Variants in RFTN1 observed in about 807,000 individuals in gnomAD.
The protein encoded by RFTN1 is raftlin.
RFTN1 carries 26 observed loss-of-function variants against 46.5 expected under a neutral mutation model. The ratio of observed to expected loss-of-function variants is 0.56; its 90% confidence interval spans 0.41 to 0.78. The LOEUF (loss-of-function observed/expected upper bound fraction) is 0.78, where lower values mean the gene tolerates loss of function less well. Among genes scored for constraint, RFTN1 ranks in the 30% least tolerant of loss-of-function variants. RFTN1 has a pLI of 0.00. For missense variants in RFTN1, 693 were observed against 718.7 expected, an observed-to-expected ratio of 0.96 and a Z score of 0.41; for synonymous variants, 261 against 284.2, an observed-to-expected ratio of 0.92 and a Z score of 0.82.
chr3:16,425,305 T>C lies in RFTN1; in HGVS notation c.332+8546A>G, dbSNP rs910069479. Among the ~76,000 whole-genome samples, 1 of 152,194 alleles carries C rather than the reference T, an allele frequency of 6.6e-6. No individual in the cohort carries two copies. Among genetic ancestry groups the C allele is most frequent in the Non-Finnish European group, 1.5e-5 (1 of 68,038 alleles). On this transcript the variant is annotated intron_variant, in intron 3 of 9. Coordinates refer to ENST00000334133, the MANE Select transcript of RFTN1 (RefSeq NM_015150.2). This position sits in a 1 kb window ranked among gnomAD's most constrained non-coding sequence, Gnocchi z 4.3. ...TTTAAAAACAAATACAGACATTTCA[T>C]GGTACTGAAGTATTCACCCAAGTTT...
chr3:16,510,687 G>A (rs150068581), intron 1 of RFTN1, among the ~76,000 whole-genome samples: 2 of 152,264 alleles, frequency 1.3e-5, no homozygotes, highest in East Asian at 3.9e-4. Context: ...ACTGTAAAAT[G>A]GTATAACCAT....
rs1227865623 is a variant in RFTN1 at position 16,422,359 on chromosome 3, G to A, written c.332+11492C>T. Among the ~76,000 whole-genome samples, 1 of 152,088 alleles carries A rather than the reference G, an allele frequency of 6.6e-6. No individual in the cohort carries two copies. The highest frequency in any genetic ancestry group is 1.5e-5 in the Non-Finnish European group (1 of 68,020). On this transcript the variant is annotated intron_variant, in intron 3 of 9. Coordinates refer to ENST00000334133, the MANE Select transcript of RFTN1 (RefSeq NM_015150.2). This position sits in a 1 kb window ranked among gnomAD's most constrained non-coding sequence, Gnocchi z 4.6. ...AAAGAATAGTGCCCTGGCCGGGTGTGGTGGCTCACGCCTGTAATCCCAGCA... is the reference window on the plus strand; with the variant it reads ...AAAGAATAGTGCCCTGGCCGGGTGTAGTGGCTCACGCCTGTAATCCCAGCA...
chr3:16,343,800 A>C (rs1410960666), intron 7 of RFTN1, among the ~76,000 whole-genome samples: 1 of 152,242 alleles, frequency 6.6e-6, no homozygotes, highest in Non-Finnish European at 1.5e-5. Context: ...TGACTCAAGG[A>C]GTTTGCATAG....
chr3:16,389,207 C>A (rs990445952), intron 4 of RFTN1, among the ~76,000 whole-genome samples: 2 of 152,122 alleles, frequency 1.3e-5, no homozygotes, highest in Non-Finnish European at 2.9e-5. Context: ...AGTTTTAACC[C>A]TTGGTTAAAA....
intron 6 of RFTN1, among the ~76,000 whole-genome samples, chr3:16,368,930 T>C (rs1406283190): frequency 6.6e-6 from 1 of 152,256 alleles, no homozygotes; most frequent in African/African-American, 2.4e-5. Context: ...TGGACAGCCC[T>C]GCTCTGGATG....
chr3:16,330,333 C>T (rs1055816834), intron 7 of RFTN1, among the ~76,000 whole-genome samples: 3 of 152,188 alleles, frequency 2.0e-5, no homozygotes, highest in Non-Finnish European at 2.9e-5. Flanking sequence ...TCTATCACAG[C>T]CCGTTTGCAT....
At position 16,462,838 on chromosome 3, in the gene RFTN1, T is replaced by C. The variant is rs558919400; in HGVS notation, c.146-28801A>G. Among the ~76,000 whole-genome samples, 40 of 152,328 alleles carry C rather than the reference T, an allele frequency of 2.6e-4. No homozygotes were observed. The South Asian group carries it at 8.3e-3, about 32-fold the overall frequency. Reference sequence around the variant, plus strand: ...TGACCTTTAAACTACAACTTGCAGATGTTAACAGTGACAATGATAAAGCCA... The same window carrying C: ...TGACCTTTAAACTACAACTTGCAGACGTTAACAGTGACAATGATAAAGCCA... On this transcript the variant is annotated intron_variant, in intron 2 of 9. Transcript: ENST00000334133.
Position 16,451,729 on chromosome 3 carries a change from G to A in RFTN1, c.146-17692C>T, listed in dbSNP as rs751391556. ...GAGGTGTGACAGCAAAACTACTAGC[G>A]TGATTTTTTTTTCCTTCCTCACAAT... On this transcript the variant is annotated intron_variant, in intron 2 of 9. Coordinates refer to ENST00000334133, the MANE Select transcript of RFTN1 (RefSeq NM_015150.2). The surrounding 1 kb of genome is among the most constrained non-coding windows in gnomAD (Gnocchi z 4.2). Among the ~76,000 whole-genome samples the A allele has an allele frequency of 9.2e-5, 14 of 152,086 alleles. No homozygotes were observed. Among genetic ancestry groups the A allele is most frequent in the South Asian group, 4.1e-4 (2 of 4,830 alleles).
At chr3:16,430,250 A>G (rs146023459) in intron 3 of RFTN1, among the ~76,000 whole-genome samples, 1 of 152,052 alleles carries the variant, frequency 6.6e-6, no homozygotes, top group African/African-American at 2.4e-5. Context: ...AGCTGGGACT[A>G]CAGGCGTGCG....
chr3:16,482,544 T>C (rs993472631), intron 2 of RFTN1, among the ~76,000 whole-genome samples: 2 of 152,172 alleles, frequency 1.3e-5, no homozygotes, highest in Non-Finnish European at 2.9e-5. Flanking sequence ...GAGTAAAGAA[T>C]TGAAGAAGGC....
At chr3:16,423,360 G>A (rs1168475043) in intron 3 of RFTN1, among the ~76,000 whole-genome samples, 1 of 152,064 alleles carries the variant, frequency 6.6e-6, no homozygotes, top group Non-Finnish European at 1.5e-5. Flanking sequence ...CAATGTACAG[G>A]ACAGTCCCAC....
At chr3:16,482,610 T>G in intron 2 of RFTN1, 4 of 785,580 alleles carry the variant, frequency 5.1e-6, no homozygotes, top group Non-Finnish European at 4.3e-6. Flanking sequence ...CACGGGCACA[T>G]TAGGTAACCT....
At chr3:16,398,690 GGCAAAGTCATGTCA>G (rs1256969747) in intron 4 of RFTN1, among the ~76,000 whole-genome samples, 3 of 152,126 alleles carry the variant, frequency 2.0e-5, no homozygotes, top group Non-Finnish European at 4.4e-5. Context: ...CCAGGCCTCA[GGCAAAGTCATGTCA>G]GCCTTGATAC....
rs1193713683 is a variant in RFTN1 at position 16,446,002 on chromosome 3, T to G, written c.146-11965A>C. 1.3e-5 allele frequency among the ~76,000 whole-genome samples: 2 copies of G among 151,892 alleles called. No homozygotes were observed. The highest frequency in any genetic ancestry group is 4.8e-5 in the African/African-American group (2 of 41,354). On this transcript the variant is annotated intron_variant, in intron 2 of 9. Coordinates refer to ENST00000334133, the MANE Select transcript of RFTN1 (RefSeq NM_015150.2). This position sits in a 1 kb window ranked among gnomAD's most constrained non-coding sequence, Gnocchi z 4.5. Reference sequence around the variant, plus strand: ...ATGCTGGGTTTATTTGCCAACAAGGTGGCCAAACCAAGAGTGCCTGGAGAA... The same window carrying G: ...ATGCTGGGTTTATTTGCCAACAAGGGGGCCAAACCAAGAGTGCCTGGAGAA...
chr3:16,460,685 C>T lies in RFTN1; in HGVS notation c.146-26648G>A, dbSNP rs1199229749. 1.3e-5 allele frequency among the ~76,000 whole-genome samples: 2 copies of T among 152,142 alleles called. No individual in the cohort carries two copies. The highest frequency in any genetic ancestry group is 4.8e-5 in the African/African-American group (2 of 41,416). Reference sequence around the variant, plus strand: ...TGTAAGAGGCCTGTTATACAGATAACTAACGCAAGAGACACGTGAGCAGAC... The same window carrying T: ...TGTAAGAGGCCTGTTATACAGATAATTAACGCAAGAGACACGTGAGCAGAC... On this transcript the variant is annotated intron_variant, in intron 2 of 9. Coordinates refer to ENST00000334133, the MANE Select transcript of RFTN1 (RefSeq NM_015150.2). This position sits in a 1 kb window ranked among gnomAD's most constrained non-coding sequence, Gnocchi z 4.8.
rs2068351119 is a variant in RFTN1, at chr3:16,316,002, G to C, written c.*826C>G. 1 of 152,300 alleles carries C rather than the reference G, an allele frequency of 6.6e-6. No homozygotes were observed. Among genetic ancestry groups the C allele is most frequent in the Non-Finnish European group, 1.5e-5 (1 of 68,054 alleles). The allele number at this position is 152,300 out of a possible 1,614,324, so 9.4% of individuals were successfully genotyped here. On this transcript the variant is annotated 3_prime_UTR_variant, in exon 10 of 10. Coordinates refer to ENST00000334133, the MANE Select transcript of RFTN1 (RefSeq NM_015150.2). This position sits in a 1 kb window ranked among gnomAD's most constrained non-coding sequence, Gnocchi z 4.5. ...AATACTTTCTGGACGATATACACAT[G>C]ATAAACACAGCATACATGGGTAACA...
chr3:16,441,138 T>C (rs2075613259), intron 2 of RFTN1, among the ~76,000 whole-genome samples: 1 of 152,028 alleles, frequency 6.6e-6, no homozygotes, highest in African/African-American at 2.4e-5. Context: ...TATTCCAGAC[T>C]CTATTACCAA....
In RFTN1 at chr3:16,429,823, T is replaced by A. The variant is rs2075349735; in HGVS notation, c.332+4028A>T. 6.6e-6 allele frequency among the ~76,000 whole-genome samples: 1 copy of A among 152,234 alleles called. No individual in the cohort carries two copies. Among genetic ancestry groups the A allele is most frequent in the South Asian group, 2.1e-4 (1 of 4,830 alleles). On this transcript the variant is annotated intron_variant, in intron 3 of 9. Coordinates refer to ENST00000334133, the MANE Select transcript of RFTN1 (RefSeq NM_015150.2). This position sits in a 1 kb window ranked among gnomAD's most constrained non-coding sequence, Gnocchi z 6.4. The stretch of plus-strand genomic sequence containing the variant: ...TTGATATCGAAGTTTCACAGAGTCA[T>A]CTCATGGTGATTCTTGGTAATGAAG...
At chr3:16,409,707 C>T (rs1374284107) in intron 3 of RFTN1, among the ~76,000 whole-genome samples, 2 of 102,098 alleles carry the variant, frequency 2.0e-5, no homozygotes, top group African/African-American at 3.9e-5. Flanking sequence ...TTTTTTGAGA[C>T]GGAGTCTTGC....
Sources: gnomAD v4.1 joint callset for allele counts (sites outside exome capture counted in the v4.1 genomes callset) on GRCh38, gnomAD v4.1.1 for gene constraint, Gnocchi (gnomAD v3.1) non-coding constraint, MANE v1.5 for transcripts, NCBI Gene and HGNC (gene_info 2026-07-23, HGNC 2026-07-21) for gene names.